Variants in RBFOX1 observed in about 807,000 individuals in gnomAD.
RBFOX1 encodes the protein RNA binding protein fox-1 homolog 1.
RBFOX1 carries 8 observed loss-of-function variants against 57.7 expected under a neutral mutation model. The observed-to-expected ratio is 0.14, with a 90% CI of 0.08 to 0.25. The LOEUF is 0.25. RBFOX1 is among the 10% of genes least tolerant of loss of function. The pLI is 1.00. For synonymous variants in RBFOX1, 326 were observed against 222.4 expected, an observed-to-expected ratio of 1.47 and a Z score of -4.15; for missense variants, 611 against 548.5, an observed-to-expected ratio of 1.11 and a Z score of -1.14.
At chr16:7,144,590 C>G (rs1198456878) in intron 4 of RBFOX1, among the ~76,000 whole-genome samples, 2 of 151,738 alleles carry the variant, frequency 1.3e-5, no homozygotes, top group African/African-American at 2.4e-5. Flanking sequence ...GCGCCTGAAT[C>G]TAGACCTATT....
At position 6,034,627 on chromosome 16, in the gene RBFOX1, A is replaced by G. The variant is rs372939600; in HGVS notation, c.-127+14635A>G. On this transcript the variant is annotated intron_variant, in intron 1 of 15. Transcript: ENST00000550418. The stretch of plus-strand genomic sequence containing the variant: ...TCTAAACAGTCCTTAATAGTGTTGC[A>G]TTGGAGAATAAGTTTGAACGTGAAT... Among the ~76,000 whole-genome samples, 474 of 152,288 alleles carry G rather than the reference A, an allele frequency of 3.1e-3. 2 individuals are homozygous for G. The highest frequency in any genetic ancestry group is 0.01 in the African/African-American group (435 of 41,580).
At chr16:7,176,081 C>T (rs915164189) in intron 4 of RBFOX1, among the ~76,000 whole-genome samples, 3 of 151,720 alleles carry the variant, frequency 2.0e-5, no homozygotes, top group African/African-American at 4.9e-5. Context: ...ACTCACAGAC[C>T]GCTGGTGTGG....
At chr16:5,727,984 G>C (rs982229494) in intron 3 of RBFOX1, among the ~76,000 whole-genome samples, 1 of 152,148 alleles carries the variant, frequency 6.6e-6, no homozygotes. Context: ...ACCATGCCCG[G>C]CCTCCTCTCT....
chr16:6,961,613 A>G (rs62016373), intron 3 of RBFOX1, among the ~76,000 whole-genome samples: 2 of 151,818 alleles, frequency 1.3e-5, no homozygotes, highest in South Asian at 2.1e-4. Flanking sequence ...ATTGGCTACT[A>G]TTATGGTTAT....
chr16:5,760,915 G>T (rs1052429556), intron 3 of RBFOX1, among the ~76,000 whole-genome samples: 2 of 152,174 alleles, frequency 1.3e-5, no homozygotes, highest in Non-Finnish European at 2.9e-5. Flanking sequence ...GATAAGAGAG[G>T]TGGTTGCACA....
chr16:6,664,515 A>G (rs2098719993), intron 3 of RBFOX1, among the ~76,000 whole-genome samples: 1 of 152,196 alleles, frequency 6.6e-6, no homozygotes, highest in Non-Finnish European at 1.5e-5. Context: ...AGGATGTGAT[A>G]CATATACCAC....
chr16:6,767,496 G>A (rs1222440939), intron 3 of RBFOX1, among the ~76,000 whole-genome samples: 1 of 152,014 alleles, frequency 6.6e-6, no homozygotes, highest in African/African-American at 2.4e-5. Flanking sequence ...TTTTGCTTAA[G>A]CCAATTTGAG....
chr16:7,491,474 G>C (rs1200076482), intron 4 of RBFOX1, among the ~76,000 whole-genome samples: 2 of 151,394 alleles, frequency 1.3e-5, no homozygotes, highest in Non-Finnish European at 2.9e-5. Context: ...CCAGACAGGT[G>C]ATGTGATCCC....
intron 4 of RBFOX1, among the ~76,000 whole-genome samples, chr16:7,508,934 C>T (rs1340960007): frequency 1.3e-5 from 2 of 152,196 alleles, no homozygotes; most frequent in South Asian, 2.1e-4. Flanking sequence ...CTCTCAAAAC[C>T]TCTCCCTTGA....
In RBFOX1 at chr16:6,983,298, A is replaced by G. The variant is rs561146334; in HGVS notation, c.-15-68759A>G. ...AGAATGATGTGCAGTTGTCTATCCAATGAGTTTTGTCCATTATTTCTTTAG... is the reference window on the plus strand; with the variant it reads ...AGAATGATGTGCAGTTGTCTATCCAGTGAGTTTTGTCCATTATTTCTTTAG... On this transcript the variant is annotated intron_variant, in intron 3 of 15. Transcript: ENST00000550418. 4.0e-4 allele frequency among the ~76,000 whole-genome samples: 61 copies of G among 152,264 alleles called. 1 individual carries two copies. The South Asian group carries it at 7.5e-3, about 19-fold the overall frequency.
At chr16:5,707,656 C>A (rs1040632581) in intron 3 of RBFOX1, among the ~76,000 whole-genome samples, 6 of 152,170 alleles carry the variant, frequency 3.9e-5, no homozygotes. Flanking sequence ...ATGAGGTTTG[C>A]TGGTGTTGCA....
intron 3 of RBFOX1, among the ~76,000 whole-genome samples, chr16:6,731,606 C>T (rs1420487537): frequency 6.6e-6 from 1 of 152,128 alleles, no homozygotes; most frequent in East Asian, 1.9e-4. Context: ...TAGCCCTTAA[C>T]TAATGGCTCT....
chr16:6,319,592 C>G (rs1048291498), intron 2 of RBFOX1, among the ~76,000 whole-genome samples: 31 of 152,280 alleles, frequency 2.0e-4, no homozygotes, highest in African/African-American at 6.5e-4. Context: ...TTCTATTCCC[C>G]AATACTCTTC....
chr16:7,292,816 A>G (rs1419245004), intron 4 of RBFOX1, among the ~76,000 whole-genome samples: 1 of 152,128 alleles, frequency 6.6e-6, no homozygotes, highest in Non-Finnish European at 1.5e-5. Context: ...TAAGCACAAT[A>G]GGTCTTGTAA....
intron 1 of RBFOX1, among the ~76,000 whole-genome samples, chr16:5,446,534 A>T (rs2068244294): frequency 6.6e-6 from 1 of 151,982 alleles, no homozygotes; most frequent in African/African-American, 2.4e-5. Flanking sequence ...GGGGAGATCA[A>T]CACCCTGTCC....
intron 1 of RBFOX1, among the ~76,000 whole-genome samples, chr16:6,113,425 C>T (rs1263185487): frequency 2.6e-5 from 4 of 152,064 alleles, no homozygotes; most frequent in Admixed American, 2.6e-4. Flanking sequence ...CCAGAAGAAC[C>T]ACAGCGACAT....
intron 2 of RBFOX1, among the ~76,000 whole-genome samples, chr16:6,616,475 G>C (rs1407724498): frequency 6.6e-6 from 1 of 151,928 alleles, no homozygotes; most frequent in Admixed American, 6.6e-5. Flanking sequence ...AGGAGATCGA[G>C]ACCATCCTGG....
Position 6,633,007 on chromosome 16 carries a change from T to C in RBFOX1, c.-63-21596T>C, listed in dbSNP as rs367880308. On this transcript the variant is annotated intron_variant, in intron 2 of 15. Transcript: ENST00000550418. Reference sequence around the variant, plus strand: ...TAAATAAATATAAAAAGGAGAGGGATGGGGAGACATTGAAAAATAAATACT... The same window carrying C: ...TAAATAAATATAAAAAGGAGAGGGACGGGGAGACATTGAAAAATAAATACT... Among the ~76,000 whole-genome samples the C allele has an allele frequency of 5.3e-5, 8 of 152,186 alleles. No homozygotes were observed. The South Asian group carries it at 1.7e-3, about 32-fold the overall frequency.
At chr16:7,275,654 G>A (rs1267746130) in intron 4 of RBFOX1, among the ~76,000 whole-genome samples, 4 of 151,456 alleles carry the variant, frequency 2.6e-5, no homozygotes, top group Non-Finnish European at 4.4e-5. Context: ...TATCTGTTTC[G>A]GGGAACATAA....
Sources: gnomAD v4.1 joint callset for allele counts (sites outside exome capture counted in the v4.1 genomes callset) on GRCh38, gnomAD v4.1.1 for gene constraint, MANE v1.5 for transcripts, NCBI Gene and HGNC (gene_info 2026-07-23, HGNC 2026-07-21) for gene names.